DMXL2: variants seen among roughly 807,000 people sequenced by gnomAD.
DMXL2 encodes dmX-like protein 2.
A neutral mutation model predicts 331.1 loss-of-function variants in DMXL2; 103 were observed. The observed-to-expected ratio is 0.31, with a 90% CI of 0.27 to 0.37. The LOEUF is 0.37. DMXL2 is among the 10% of genes least tolerant of loss of function. The pLI, the probability that DMXL2 is intolerant of heterozygous loss-of-function variation, is 1.00. For missense variants in DMXL2, 3,171 were observed against 3,642.9 expected (o/e 0.87, Z 3.33); for synonymous variants, 1,281 against 1,252.1 (o/e 1.02, Z -0.49).
chr15:51,459,657 T>C lies in DMXL2; in HGVS notation c.7930A>G (p.Ile2644Val), dbSNP rs1279482702. 10 of 1,289,656 alleles carry C rather than the reference T, an allele frequency of 7.8e-6. No individual in the cohort carries two copies. The highest frequency in any genetic ancestry group is 2.5e-5 in the South Asian group (2 of 81,032). 79.9% of individuals were successfully genotyped at this position (1,289,656 alleles called of 1,614,324 possible). ...TTGACCTGCTCCACATGTTCTTCTA[T>C]AGACTAAATACCACCACACCGTCAC... ...FTKKRKQSES[I>V]EEHVEQVNQN... The change falls in exon 34 of 44, where the codon ATA (isoleucine) becomes GTA (valine). Residue 2644 changes from isoleucine (I) to valine (V), a missense_variant. By Grantham distance (29) the Ile-to-Val change is conservative. This residue lies in a region of DMXL2 where 766 missense variants were observed against 940.5 expected (regional missense o/e 0.81). Transcript: ENST00000560891.
At chr15:51,570,508 G>A (rs1390821332) in intron 2 of DMXL2, among the ~76,000 whole-genome samples, 1 of 152,134 alleles carries the variant, frequency 6.6e-6, no homozygotes. Flanking sequence ...AACCAAGGTT[G>A]AAATGAAGGA....
At chr15:51,523,300 T>C (rs1339340134) in intron 13 of DMXL2, among the ~76,000 whole-genome samples, 3 of 152,348 alleles carry the variant, frequency 2.0e-5, no homozygotes, top group South Asian at 4.1e-4. Flanking sequence ...CAAGACTCTA[T>C]AGTCTATATT....
At chr15:51,557,700 A>G (rs889539902) in intron 6 of DMXL2, among the ~76,000 whole-genome samples, 1 of 152,220 alleles carries the variant, frequency 6.6e-6, no homozygotes, top group Non-Finnish European at 1.5e-5. Context: ...TAGAGAAAAG[A>G]GCCTAGAAAC....
At chr15:51,569,822 T>C (rs1342038666) in intron 2 of DMXL2, among the ~76,000 whole-genome samples, 2 of 151,976 alleles carry the variant, frequency 1.3e-5, no homozygotes, top group Non-Finnish European at 2.9e-5. Flanking sequence ...GATAAATCCA[T>C]GAAGATGGGG....
At chr15:51,455,829 T>G (rs935961344) in intron 39 of DMXL2, among the ~76,000 whole-genome samples, 1 of 152,198 alleles carries the variant, frequency 6.6e-6, no homozygotes, top group Non-Finnish European at 1.5e-5. Flanking sequence ...ACACAGGCAG[T>G]TTTTTTACTC....
At chr15:51,602,870 A>AT (rs2053325153) in intron 1 of DMXL2, among the ~76,000 whole-genome samples, 1 of 152,240 alleles carries the variant, frequency 6.6e-6, no homozygotes, top group Non-Finnish European at 1.5e-5. Context: ...CCAGAGTCGC[A>AT]TAACGTAATA....
intron 6 of DMXL2, among the ~76,000 whole-genome samples, chr15:51,551,044 T>C (rs960581955): frequency 6.6e-6 from 1 of 151,690 alleles, no homozygotes; most frequent in Non-Finnish European, 1.5e-5. Context: ...TAGTGGGAGA[T>C]CCACAGTGAC....
intron 13 of DMXL2, among the ~76,000 whole-genome samples, chr15:51,522,480 C>A (rs1387924851): frequency 6.6e-6 from 1 of 152,068 alleles, no homozygotes; most frequent in Admixed American, 6.6e-5. Flanking sequence ...CCCCTAGCTA[C>A]TAAAAATACA....
At chr15:51,453,297 T>TAACA (rs746363765) in intron 41 of DMXL2, 4 of 278,408 alleles carry the variant, frequency 1.4e-5, no homozygotes, top group Non-Finnish European at 2.6e-5. Context: ...CTAGAGAAAC[T>TAACA]AACAGTGTTA....
chr15:51,519,367 C>A lies in DMXL2; in HGVS notation c.2437-2200G>T, dbSNP rs1270841214. Reference sequence around the variant, plus strand: ...TCTTGGCCTCAAGCAATCCTCCCACCTCAGCCTCCCAAAGCACTGGGATTA... The same window carrying A: ...TCTTGGCCTCAAGCAATCCTCCCACATCAGCCTCCCAAAGCACTGGGATTA... On this transcript the variant is annotated intron_variant, in intron 13 of 43. Coordinates refer to ENST00000560891, the MANE Select transcript of DMXL2 (RefSeq NM_001378457.1). 2.6e-5 allele frequency among the ~76,000 whole-genome samples: 4 copies of A among 152,216 alleles called. No homozygotes were observed. In the East Asian group the frequency reaches 7.7e-4, roughly 29 times the overall value.
In DMXL2 at chr15:51,466,383, CAT is replaced by C. The variant is rs138473578; in HGVS notation, c.7393-74_7393-73del. The C allele has an allele frequency of 0.025, 12,218 of 491,904 alleles. 1,005 individuals carry two copies. The highest frequency in any genetic ancestry group is 0.2 in the African/African-American group (9,551 of 47,906). The allele number at this position is 491,904 out of a possible 1,614,324, so 30.5% of individuals were successfully genotyped here. A position where few individuals can be genotyped will look rare whatever the true frequency, so the allele number is the denominator to read the frequency against. Reference sequence around the variant, plus strand: ...AACATATAAAATATATTTTATATAACATGTATTATATATTTAATATAGAAAAT... The same window carrying C: ...AACATATAAAATATATTTTATATAACGTATTATATATTTAATATAGAAAAT... On this transcript the variant is annotated intron_variant, in intron 29 of 43. Coordinates refer to ENST00000560891, the MANE Select transcript of DMXL2 (RefSeq NM_001378457.1).
intron 4 of DMXL2, 43 bp downstream of exon 4, chr15:51,565,045 C>A: frequency 8.9e-7 from 1 of 1,122,674 alleles, no homozygotes; most frequent in Non-Finnish European, 1.2e-6. Context: ...ACATTTAAAA[C>A]AAATATTTAA....
rs1566978871 is a variant in DMXL2, at chr15:51,458,788, G to C, written c.7997C>G (p.Ala2666Gly). ...IAEDCHIKVE[A>G]DLGYPGGKAK... ...CTTTCCACCTGGATAGCCCAGATCA[G>C]CTTCAACCTAGAAAACATTCATCAG... The change falls in exon 35 of 44, where the codon GCT becomes GGT. Residue 2666 changes from alanine to glycine, a missense_variant. Transcript: ENST00000560891. 6.2e-7 allele frequency: 1 copy of C among 1,613,880 alleles called. No individual in the cohort carries two copies. Among genetic ancestry groups the C allele is most frequent in the Admixed American group, 1.7e-5 (1 of 60,014 alleles).
chr15:51,463,706 T>C (rs1373836262), intron 32 of DMXL2, among the ~76,000 whole-genome samples: 1 of 152,186 alleles, frequency 6.6e-6, no homozygotes, highest in Non-Finnish European at 1.5e-5. Flanking sequence ...AATCATTTCA[T>C]CTAGCAACTA....
intron 6 of DMXL2, among the ~76,000 whole-genome samples, chr15:51,551,842 G>A (rs1402646298): frequency 1.3e-5 from 2 of 152,142 alleles, no homozygotes; most frequent in Non-Finnish European, 2.9e-5. Context: ...ATTAAGTAAG[G>A]ATATAAATTA....
chr15:51,599,535 A>G (rs1243579800), intron 1 of DMXL2, among the ~76,000 whole-genome samples: 4 of 152,188 alleles, frequency 2.6e-5, no homozygotes, highest in Non-Finnish European at 1.5e-5. Flanking sequence ...CCTATACATC[A>G]CTGCTCTATG....
chr15:51,476,572 A>G lies in DMXL2; in HGVS notation c.6964+17T>C. On this transcript the variant is annotated intron_variant, in intron 27 of 43. Transcript: ENST00000560891. Reference sequence around the variant, plus strand: ...CCAACTAGAAGATTTTTTTTTTTTAATCATTTAAATTCTCACCAGGCCATT... The same window carrying G: ...CCAACTAGAAGATTTTTTTTTTTTAGTCATTTAAATTCTCACCAGGCCATT... 1 of 1,586,966 alleles carries G rather than the reference A, an allele frequency of 6.3e-7. No homozygotes were observed. The highest frequency in any genetic ancestry group is 8.5e-7 in the Non-Finnish European group (1 of 1,172,864).
At chr15:51,472,912 C>G (rs1434736390) in intron 28 of DMXL2, among the ~76,000 whole-genome samples, 1 of 152,174 alleles carries the variant, frequency 6.6e-6, no homozygotes, top group East Asian at 1.9e-4. Context: ...CTGTCACCTC[C>G]TCTCTTTAGA....
At chr15:51,496,145 G>A (rs776815116) in intron 18 of DMXL2, among the ~76,000 whole-genome samples, 18 of 151,932 alleles carry the variant, frequency 1.2e-4, no homozygotes, top group Admixed American at 2.0e-4. Context: ...ATGCTCATTC[G>A]TCCGTTTATT....
Sources: allele counts gnomAD v4.1 joint callset (sites outside exome capture counted in the v4.1 genomes callset), GRCh38; gene constraint gnomAD v4.1.1; regional missense constraint gnomAD v4.1.1; transcripts MANE v1.5; gene names NCBI Gene and HGNC (gene_info 2026-07-23, HGNC 2026-07-21).